The following ANKRD17 variants were observed in gnomAD, a reference collection of about 807,000 sequenced individuals.
ANKRD17 encodes the protein ankyrin repeat domain 17, also known as ankyrin repeat domain-containing protein 17.
A neutral mutation model predicts 229.7 loss-of-function variants in ANKRD17; 19 were observed. That is an observed-to-expected ratio of 0.08 (90% CI 0.06 to 0.12). ANKRD17 has a LOEUF of 0.12. Ranked by LOEUF, ANKRD17 falls within the 10% of genes least tolerant of loss-of-function variation. ANKRD17 has a pLI of 1.00. For synonymous variants in ANKRD17, 1,112 were observed against 1,146.1 expected, an observed-to-expected ratio of 0.97 and a Z score of 0.60; for missense variants, 2,176 against 3,176.8, an observed-to-expected ratio of 0.68 and a Z score of 7.57.
chr4:73,103,562 CTCTG>C (rs1724251273), intron 24 of ANKRD17, among the ~76,000 whole-genome samples: 1 of 152,138 alleles, frequency 6.6e-6, no homozygotes, highest in African/African-American at 2.4e-5. Flanking sequence ...CATCTTCAAA[CTCTG>C]TCTGCATGTC....
At chr4:73,198,289 A>C (rs1484101153) in intron 1 of ANKRD17, among the ~76,000 whole-genome samples, 1 of 152,220 alleles carries the variant, frequency 6.6e-6, no homozygotes, top group African/African-American at 2.4e-5. Flanking sequence ...ATAAATATTT[A>C]AGACTATATA....
chr4:73,154,477 AG>A (rs1731384454), intron 5 of ANKRD17, among the ~76,000 whole-genome samples: 2 of 152,118 alleles, frequency 1.3e-5, no homozygotes, highest in Admixed American at 1.3e-4. Context: ...ATGCTTCACA[AG>A]CTTTTTTTTA....
At chr4:73,179,519 T>TATATATATATA (rs1491097354) in intron 1 of ANKRD17, among the ~76,000 whole-genome samples, 1 of 35,954 alleles carries the variant, frequency 2.8e-5, no homozygotes, top group Non-Finnish European at 5.4e-5. Flanking sequence ...TATATATATA[T>TATATATATATA]TTTTTTTTTT....
intron 1 of ANKRD17, among the ~76,000 whole-genome samples, chr4:73,248,984 A>G (rs1744747220): frequency 6.6e-6 from 1 of 152,176 alleles, no homozygotes; most frequent in African/African-American, 2.4e-5. Context: ...AATGGGGTCA[A>G]AGGCATTTCT....
Position 73,244,953 on chromosome 4 carries a change from C to T in ANKRD17, c.393+13323G>A, listed in dbSNP as rs372967238. Among the ~76,000 whole-genome samples the T allele has an allele frequency of 3.2e-4, 48 of 152,150 alleles. 3 individuals are homozygous for T. Among genetic ancestry groups the T allele is most frequent in the Admixed American group, 2.3e-3 (35 of 15,288 alleles). On this transcript the variant is annotated intron_variant, in intron 1 of 33. Coordinates refer to ENST00000358602, the MANE Select transcript of ANKRD17 (RefSeq NM_032217.5). ...AAAAACTCGAAATATGGTGTGTTGG[C>T]TATTTAAAGATCAACAAGAAAGATC...
chr4:73,127,746 G>A (rs1406479283), intron 16 of ANKRD17, among the ~76,000 whole-genome samples: 3 of 151,942 alleles, frequency 2.0e-5, no homozygotes, highest in Non-Finnish European at 4.4e-5. Flanking sequence ...AATAAGCAAG[G>A]GACTATATAT....
intron 1 of ANKRD17, among the ~76,000 whole-genome samples, chr4:73,251,601 T>C (rs1484658231): frequency 4.3e-5 from 1 of 23,304 alleles, no homozygotes; most frequent in African/African-American, 8.1e-4. Context: ...TGGTGCCTCC[T>C]ACTGGTCCTA....
At chr4:73,084,854 A>G (rs1020334405) in intron 30 of ANKRD17, among the ~76,000 whole-genome samples, 1 of 152,076 alleles carries the variant, frequency 6.6e-6, no homozygotes, top group Non-Finnish European at 1.5e-5. Context: ...ACATAAATTA[A>G]TAACAGGTAC....
chr4:73,113,394 G>A (rs989483895), intron 24 of ANKRD17: 29 of 1,289,816 alleles, frequency 2.2e-5, no homozygotes, highest in Non-Finnish European at 2.9e-5. Flanking sequence ...TCACTAGTTG[G>A]TTATGCCTTG....
chr4:73,085,637 C>T (rs1243660221), intron 29 of ANKRD17, among the ~76,000 whole-genome samples, 191 bp from the exon 30 acceptor site: 3 of 150,556 alleles, frequency 2.0e-5, no homozygotes, highest in Non-Finnish European at 4.4e-5. Flanking sequence ...CTGCTTATGG[C>T]CAGGCATTCA....
At chr4:73,090,575 T>C (rs1012003998) in intron 29 of ANKRD17, 92 bp downstream of exon 29, 6 of 1,494,496 alleles carry the variant, frequency 4.0e-6, no homozygotes, top group Non-Finnish European at 5.5e-6. Flanking sequence ...GTCTATATCG[T>C]CCAGAGAATA....
chr4:73,114,898 A>T (rs1725754301), intron 23 of ANKRD17, among the ~76,000 whole-genome samples: 1 of 152,140 alleles, frequency 6.6e-6, no homozygotes, highest in Non-Finnish European at 1.5e-5. Flanking sequence ...GATCTTATTC[A>T]AGTGTTAGTG....
intron 1 of ANKRD17, among the ~76,000 whole-genome samples, chr4:73,219,768 G>A (rs1053594413): frequency 1.3e-5 from 2 of 151,976 alleles, no homozygotes; most frequent in East Asian, 3.9e-4. Context: ...GAATAAGAAC[G>A]GGTATGAGAG....
intron 3 of ANKRD17, 121 bp downstream of exon 3, chr4:73,161,071 A>G (rs1732466999): frequency 8.2e-7 from 1 of 1,221,810 alleles, no homozygotes. Context: ...ATAAGACATC[A>G]CATGTTAAGT....
intron 1 of ANKRD17, among the ~76,000 whole-genome samples, chr4:73,205,296 T>G (rs1739294937): frequency 6.6e-6 from 1 of 152,032 alleles, no homozygotes; most frequent in African/African-American, 2.4e-5. Flanking sequence ...CCAGCCTGGG[T>G]GACAGAGTAA....
At chr4:73,203,627 T>A (rs1443340596) in intron 1 of ANKRD17, among the ~76,000 whole-genome samples, 2 of 151,388 alleles carry the variant, frequency 1.3e-5, no homozygotes, top group Non-Finnish European at 3.0e-5. Flanking sequence ...GCTTGGTGGC[T>A]GATGCCTGTA....
intron 16 of ANKRD17, among the ~76,000 whole-genome samples, chr4:73,128,566 T>C (rs1440556971): frequency 6.6e-6 from 1 of 152,218 alleles, no homozygotes; most frequent in Non-Finnish European, 1.5e-5. Context: ...AACTGACATT[T>C]ATTAAGCACC....
chr4:73,173,724 T>A, intron 2 of ANKRD17, among the ~76,000 whole-genome samples: 1 of 152,122 alleles, frequency 6.6e-6, no homozygotes, highest in Non-Finnish European at 1.5e-5. Flanking sequence ...GGATTTAACC[T>A]CACCTATAAC....
chr4:73,131,025 A>C (rs1404788215), intron 16 of ANKRD17, among the ~76,000 whole-genome samples: 1 of 152,178 alleles, frequency 6.6e-6, no homozygotes, highest in Non-Finnish European at 1.5e-5. Context: ...CAAAATAAAC[A>C]CAAAGGTCAG....
Sources: gnomAD v4.1 joint callset for allele counts (sites outside exome capture counted in the v4.1 genomes callset) on GRCh38, gnomAD v4.1.1 for gene constraint, MANE v1.5 for transcripts, NCBI Gene and HGNC (gene_info 2026-07-23, HGNC 2026-07-21) for gene names.